KCNT2: variants seen among roughly 807,000 people sequenced by gnomAD.
KCNT2 encodes potassium sodium-activated channel subfamily T member 2.
In KCNT2, 67 loss-of-function variants were observed where a neutral mutation model predicts 153.8. The ratio of observed to expected loss-of-function variants is 0.44; its 90% CI spans 0.36 to 0.53. The LOEUF is 0.53. Among genes scored for constraint, KCNT2 ranks in the 20% least tolerant of loss-of-function variants. The pLI is 0.00. For synonymous variants in KCNT2, 500 were observed against 458.8 expected, an observed-to-expected ratio of 1.09 and a Z score of -1.15; for missense variants, 975 against 1,354.8, an observed-to-expected ratio of 0.72 and a Z score of 4.40.
At chr1:196,448,508 T>C (rs1675884015) in intron 8 of KCNT2, among the ~76,000 whole-genome samples, 1 of 151,638 alleles carries the variant, frequency 6.6e-6, no homozygotes, top group Admixed American at 6.6e-5. Context: ...TAATGAGAGC[T>C]AAGTAAAATT....
chr1:196,528,728 C>T (rs886127224), intron 1 of KCNT2, among the ~76,000 whole-genome samples: 1 of 152,076 alleles, frequency 6.6e-6, no homozygotes, highest in Admixed American at 6.6e-5. Flanking sequence ...TTCCCTCGCT[C>T]GTTAGGTAGA....
intron 14 of KCNT2, among the ~76,000 whole-genome samples, chr1:196,365,432 A>G (rs780795994): frequency 5.3e-5 from 8 of 152,140 alleles, no homozygotes; most frequent in Non-Finnish European, 1.0e-4. Flanking sequence ...ATAATATATC[A>G]CTTGAAAATA....
intron 1 of KCNT2, among the ~76,000 whole-genome samples, chr1:196,501,021 A>G (rs961575750): frequency 7.9e-5 from 12 of 152,246 alleles, no homozygotes; most frequent in Non-Finnish European, 1.6e-4. Context: ...TATACCAGTA[A>G]GAATGGCTAC....
chr1:196,446,715 C>T (rs1675716652), intron 8 of KCNT2, among the ~76,000 whole-genome samples: 1 of 151,492 alleles, frequency 6.6e-6, no homozygotes, highest in Admixed American at 6.6e-5. Flanking sequence ...GGGCTGTATT[C>T]TAAGTCCACA....
intron 1 of KCNT2, among the ~76,000 whole-genome samples, chr1:196,505,431 C>A (rs1285672039): frequency 6.6e-6 from 1 of 151,404 alleles, no homozygotes; most frequent in Non-Finnish European, 1.5e-5. Context: ...CTGTTCTGTT[C>A]CATTGATCTA....
intron 8 of KCNT2, among the ~76,000 whole-genome samples, chr1:196,455,556 T>A (rs1447302753): frequency 6.6e-6 from 1 of 151,992 alleles, no homozygotes; most frequent in Non-Finnish European, 1.5e-5. Context: ...TTCTTCTATC[T>A]TTTGTTTTTC....
At chr1:196,307,486 G>A (rs1240546773) in intron 21 of KCNT2, among the ~76,000 whole-genome samples, 1 of 152,026 alleles carries the variant, frequency 6.6e-6, no homozygotes, top group Admixed American at 6.6e-5. Context: ...TAGCTACCTG[G>A]TTGGTTTTAT....
chr1:196,420,105 T>A (rs1276907174), intron 12 of KCNT2, among the ~76,000 whole-genome samples: 1 of 152,030 alleles, frequency 6.6e-6, no homozygotes, highest in Non-Finnish European at 1.5e-5. Context: ...TTTATTATTC[T>A]TCATTCTTCA....
rs1558277989 is a variant in KCNT2 at position 196,428,091 on chromosome 1, T to C, written c.984+14A>G. 2.5e-6 allele frequency: 4 copies of C among 1,606,594 alleles called. No individual in the cohort carries two copies. The highest frequency in any genetic ancestry group is 3.4e-6 in the Non-Finnish European group (4 of 1,174,020). ...GTATGATCCAGTATAGCACATAATA[T>C]AAGCCAAATGTACCTGGAGCCTAGG... On this transcript the variant is annotated intron_variant, in intron 10 of 27. Transcript: ENST00000294725.
chr1:196,370,888 G>T (rs1229200996), intron 14 of KCNT2, among the ~76,000 whole-genome samples: 1 of 152,014 alleles, frequency 6.6e-6, no homozygotes, highest in Non-Finnish European at 1.5e-5. Flanking sequence ...AAGTGCTGGT[G>T]CATATTACAA....
At chr1:196,270,910 C>T (rs1022715592) in intron 25 of KCNT2, among the ~76,000 whole-genome samples, 1 of 151,824 alleles carries the variant, frequency 6.6e-6, no homozygotes, top group Non-Finnish European at 1.5e-5. Context: ...CACTCAATCA[C>T]CTTCACTATA....
intron 19 of KCNT2, among the ~76,000 whole-genome samples, chr1:196,323,409 C>G (rs968129990): frequency 6.6e-6 from 1 of 151,748 alleles, no homozygotes; most frequent in Non-Finnish European, 1.5e-5. Context: ...TTAAAAATGA[C>G]TAGATGACCT....
chr1:196,478,706 A>C (rs867231278), intron 5 of KCNT2, among the ~76,000 whole-genome samples: 1 of 152,064 alleles, frequency 6.6e-6, no homozygotes, highest in African/African-American at 2.4e-5. Flanking sequence ...CCCTTTCTTG[A>C]CTGTAAACTC....
intron 13 of KCNT2, among the ~76,000 whole-genome samples, chr1:196,376,359 A>G (rs561064892): frequency 6.6e-6 from 1 of 151,994 alleles, no homozygotes; most frequent in Non-Finnish European, 1.5e-5. Flanking sequence ...TCCTAAAAAT[A>G]TCATTGTTTC....
intron 22 of KCNT2, among the ~76,000 whole-genome samples, chr1:196,301,277 TAGAA>T (rs963056566): frequency 1.3e-5 from 2 of 152,150 alleles, no homozygotes; most frequent in Non-Finnish European, 2.9e-5. Flanking sequence ...CCCTTTCCTC[TAGAA>T]AGAAAGTATA....
chr1:196,430,801 G>A (rs1572423070), intron 8 of KCNT2, among the ~76,000 whole-genome samples: 1 of 152,006 alleles, frequency 6.6e-6, no homozygotes, highest in South Asian at 2.1e-4. Context: ...ACAAAAAAAA[G>A]CAAAGTGAGA....
intron 1 of KCNT2, among the ~76,000 whole-genome samples, chr1:196,504,599 C>T (rs1271382643): frequency 6.6e-6 from 1 of 152,106 alleles, no homozygotes; most frequent in Non-Finnish European, 1.5e-5. Context: ...GGTATATACC[C>T]AGTAATGAGA....
At chr1:196,513,822 T>C (rs1409560580) in intron 1 of KCNT2, among the ~76,000 whole-genome samples, 1 of 152,212 alleles carries the variant, frequency 6.6e-6, no homozygotes, top group Non-Finnish European at 1.5e-5. Context: ...CAACTGGTTC[T>C]ACATAGAACA....
intron 14 of KCNT2, among the ~76,000 whole-genome samples, chr1:196,372,902 G>A (rs1193497628): frequency 1.3e-5 from 2 of 151,776 alleles, no homozygotes; most frequent in Non-Finnish European, 2.9e-5. Flanking sequence ...TTACTAATAA[G>A]TTGCAACAAA....
Sources: allele counts gnomAD v4.1 joint callset (sites outside exome capture counted in the v4.1 genomes callset), GRCh38; gene constraint gnomAD v4.1.1; transcripts MANE v1.5; gene names NCBI Gene and HGNC (gene_info 2026-07-23, HGNC 2026-07-21).